SLIT2: variants seen among roughly 807,000 people sequenced by gnomAD.
SLIT2 encodes the protein slit guidance ligand 2.
SLIT2 carries 41 observed loss-of-function variants against 185.7 expected under a neutral mutation model. The observed-to-expected ratio is 0.22, with a 90% CI of 0.17 to 0.29. SLIT2 has a LOEUF of 0.29. Ranked by LOEUF, SLIT2 falls within the 10% of genes least tolerant of loss-of-function variation. The pLI, the probability that SLIT2 is intolerant of heterozygous loss-of-function variation, is 1.00. For missense variants in SLIT2, 1,571 were observed against 1,909.0 expected, an observed-to-expected ratio of 0.82 and a Z score of 3.30; for synonymous variants, 693 against 680.2, an observed-to-expected ratio of 1.02 and a Z score of -0.29.
In SLIT2 at chr4:20,567,346, C is replaced by T. The variant is rs141844605; in HGVS notation, c.2810C>T (p.Pro937Leu). The T allele has an allele frequency of 6.2e-7, 1 of 1,613,030 alleles. No individual in the cohort carries two copies. The highest frequency in any genetic ancestry group is 2.2e-5 in the East Asian group (1 of 44,852). ...AATGATGGCACATGTAATAGTGATCCAGTTGACTTTTACCGATGCACCTGT... is the reference window on the plus strand; with the variant it reads ...AATGATGGCACATGTAATAGTGATCTAGTTGACTTTTACCGATGCACCTGT... ...CKNDGTCNSD[P>L]VDFYRCTCPY... The change falls in exon 27 of 37, where the codon CCA becomes CTA. Residue 937 changes from proline to leucine, a missense_variant. Pro to Leu is a moderately conservative substitution (Grantham distance 98). Around this residue, in one of 3 missense-constraint regions of SLIT2, gnomAD observed 1,202 missense variants for 1,416.4 expected, o/e 0.85. Transcript: ENST00000504154.
At chr4:20,553,200 C>G (rs776021348) in intron 25 of SLIT2, among the ~76,000 whole-genome samples, 1 of 152,148 alleles carries the variant, frequency 6.6e-6, no homozygotes, top group Non-Finnish European at 1.5e-5. Flanking sequence ...TTATTCCCAA[C>G]CTTTCTTTCT....
chr4:20,312,463 A>C (rs1718197560), intron 4 of SLIT2, among the ~76,000 whole-genome samples: 1 of 152,130 alleles, frequency 6.6e-6, no homozygotes, highest in African/African-American at 2.4e-5. Flanking sequence ...TTATAAGTAA[A>C]ATTAAAATAT....
chr4:20,504,255 G>T (rs1719001230), intron 9 of SLIT2, among the ~76,000 whole-genome samples: 1 of 152,270 alleles, frequency 6.6e-6, no homozygotes, highest in African/African-American at 2.4e-5. Flanking sequence ...GACAACTTAA[G>T]ATTCAGAAGC....
chr4:20,568,289 T>C (rs1725272232), intron 28 of SLIT2, among the ~76,000 whole-genome samples: 1 of 152,116 alleles, frequency 6.6e-6, no homozygotes, highest in Non-Finnish European at 1.5e-5. Flanking sequence ...TCATCTAGAC[T>C]TTACTCAAAA....
chr4:20,488,064 G>A (rs1717416765), intron 7 of SLIT2, among the ~76,000 whole-genome samples: 1 of 152,134 alleles, frequency 6.6e-6, no homozygotes, highest in East Asian at 1.9e-4. Flanking sequence ...ACCTAATTTA[G>A]TGGATACATT....
chr4:20,558,740 G>T (rs1007111767), intron 26 of SLIT2, among the ~76,000 whole-genome samples: 1 of 151,818 alleles, frequency 6.6e-6, no homozygotes, highest in African/African-American at 2.4e-5. Flanking sequence ...TAGCATGAAT[G>T]GAAATATGTT....
At chr4:20,315,891 C>A (rs535831335) in intron 4 of SLIT2, among the ~76,000 whole-genome samples, 3 of 151,994 alleles carry the variant, frequency 2.0e-5, no homozygotes, top group Non-Finnish European at 4.4e-5. Flanking sequence ...GTACTTATTA[C>A]ATATTAATTC....
chr4:20,377,846 TACA>T lies in SLIT2; in HGVS notation c.396-89903_396-89901del, dbSNP rs553023136. On this transcript the variant is annotated intron_variant, in intron 4 of 36. Coordinates refer to ENST00000504154, the MANE Select transcript of SLIT2 (RefSeq NM_004787.4). The stretch of plus-strand genomic sequence containing the variant: ...TGGTATCTGTAATGCTAAAAATTCA[TACA>T]ACGAGTAGCAAAAGTTGTGCCTAGA... Among the ~76,000 whole-genome samples, 79 of 152,284 alleles carry T rather than the reference TACA, an allele frequency of 5.2e-4. No individual in the cohort carries two copies. The South Asian group carries it at 0.014, about 28-fold the overall frequency.
intron 9 of SLIT2, among the ~76,000 whole-genome samples, chr4:20,498,349 T>G (rs576231146): frequency 2.0e-5 from 3 of 152,326 alleles, no homozygotes; most frequent in African/African-American, 7.2e-5. Flanking sequence ...CTATGCTAGT[T>G]GAAAACCTTA....
intron 4 of SLIT2, among the ~76,000 whole-genome samples, chr4:20,448,157 T>A (rs1192182894): frequency 6.6e-6 from 1 of 152,200 alleles, no homozygotes; most frequent in Non-Finnish European, 1.5e-5. Context: ...TATTTCCTAA[T>A]CCTTCGAGAT....
chr4:20,405,720 T>A (rs994142546), intron 4 of SLIT2, among the ~76,000 whole-genome samples: 10 of 151,982 alleles, frequency 6.6e-5, no homozygotes, highest in Admixed American at 2.6e-4. Context: ...ACCAGTTATT[T>A]CTGTTTTTGG....
chr4:20,410,629 A>G (rs1325951708), intron 4 of SLIT2, among the ~76,000 whole-genome samples: 3 of 151,856 alleles, frequency 2.0e-5, no homozygotes, highest in African/African-American at 7.3e-5. Flanking sequence ...TCAATTTTCT[A>G]CATGTGGCTA....
chr4:20,370,118 T>C (rs1254483295), intron 4 of SLIT2, among the ~76,000 whole-genome samples: 1 of 152,004 alleles, frequency 6.6e-6, no homozygotes, highest in Non-Finnish European at 1.5e-5. Flanking sequence ...CTTCAGGTGA[T>C]TTGTGATCTG....
chr4:20,609,670 T>C (rs1199147325), intron 33 of SLIT2, among the ~76,000 whole-genome samples: 6 of 152,246 alleles, frequency 3.9e-5, no homozygotes, highest in African/African-American at 1.4e-4. Context: ...AGTATCTTGG[T>C]AAATGGACCT....
chr4:20,359,525 A>G (rs536341808), intron 4 of SLIT2, among the ~76,000 whole-genome samples: 1 of 152,166 alleles, frequency 6.6e-6, no homozygotes, highest in Non-Finnish European at 1.5e-5. Context: ...GACATAGCAA[A>G]GGGAGCTAGA....
intron 16 of SLIT2, 84 bp from the exon 17 acceptor site, chr4:20,531,900 G>A: frequency 1.4e-6 from 1 of 716,020 alleles, no homozygotes; most frequent in Non-Finnish European, 2.3e-6. Flanking sequence ...ATTAAATAAT[G>A]TTAGAATTCA....
intron 29 of SLIT2, among the ~76,000 whole-genome samples, chr4:20,581,021 C>G (rs765472873): frequency 6.6e-6 from 1 of 152,170 alleles, no homozygotes; most frequent in South Asian, 2.1e-4. Flanking sequence ...CTGTAAACTT[C>G]CAGTGATTTG....
At chr4:20,298,645 A>G (rs1428063508) in intron 4 of SLIT2, among the ~76,000 whole-genome samples, 2 of 152,188 alleles carry the variant, frequency 1.3e-5, no homozygotes, top group Non-Finnish European at 2.9e-5. Context: ...GATAAAGCTT[A>G]TTAACCTCAG....
At chr4:20,289,533 G>A (rs1715603182) in intron 4 of SLIT2, among the ~76,000 whole-genome samples, 1 of 152,112 alleles carries the variant, frequency 6.6e-6, no homozygotes, top group African/African-American at 2.4e-5. Context: ...AACCCATGAA[G>A]GTGTGTTTTC....
Sources: gnomAD v4.1 joint callset for allele counts (sites outside exome capture counted in the v4.1 genomes callset) on GRCh38, gnomAD v4.1.1 for gene constraint, gnomAD v4.1.1 regional missense constraint, MANE v1.5 for transcripts, NCBI Gene and HGNC (gene_info 2026-07-23, HGNC 2026-07-21) for gene names.